The following ITPR2 variants were observed in gnomAD, a reference collection of about 807,000 sequenced individuals.
ITPR2 encodes inositol 1,4,5-trisphosphate receptor type 2, also known as inositol 1,4,5-trisphosphate-gated calcium channel ITPR2.
ITPR2 carries 207 observed loss-of-function variants against 317.1 expected under a neutral mutation model. The observed-to-expected ratio is 0.65, with a 90% CI of 0.58 to 0.73. The LOEUF is 0.73. Among genes scored for constraint, ITPR2 ranks in the 30% least tolerant of loss-of-function variants. The pLI is 0.00. For synonymous variants in ITPR2, 1,156 were observed against 1,149.1 expected (o/e 1.01, Z -0.12); for missense variants, 2,613 against 3,284.0 (o/e 0.80, Z 4.99).
At chr12:26,479,350 ATT>A (rs1942494487) in intron 43 of ITPR2, among the ~76,000 whole-genome samples, 1 of 151,354 alleles carries the variant, frequency 6.6e-6, no homozygotes, top group Non-Finnish European at 1.5e-5. Context: ...CTCTCACTTA[ATT>A]TTTTTACATA....
intron 1 of ITPR2, among the ~76,000 whole-genome samples, chr12:26,816,478 CA>C (rs1950854397): frequency 6.6e-6 from 1 of 152,132 alleles, no homozygotes; most frequent in Non-Finnish European, 1.5e-5. Context: ...ACCAAAAGCC[CA>C]TGTTAACTAT....
At chr12:26,749,585 T>C (rs554796430) in intron 2 of ITPR2, among the ~76,000 whole-genome samples, 3 of 152,336 alleles carry the variant, frequency 2.0e-5, no homozygotes, top group South Asian at 2.1e-4. Flanking sequence ...TATGTTCGCT[T>C]TAAAAATCCA....
chr12:26,542,403 T>C (rs1409879471), intron 37 of ITPR2, among the ~76,000 whole-genome samples: 1 of 152,198 alleles, frequency 6.6e-6, no homozygotes, highest in Non-Finnish European at 1.5e-5. Context: ...GAAGCGCAAC[T>C]GTTTAGGTTG....
At chr12:26,380,499 C>T (rs1939478386) in intron 55 of ITPR2, among the ~76,000 whole-genome samples, 1 of 152,130 alleles carries the variant, frequency 6.6e-6, no homozygotes, top group African/African-American at 2.4e-5. Flanking sequence ...ATTGTGCATT[C>T]TGAGCTGCAA....
At chr12:26,636,157 C>G (rs568878140) in intron 21 of ITPR2, among the ~76,000 whole-genome samples, 8 of 152,306 alleles carry the variant, frequency 5.3e-5, no homozygotes, top group African/African-American at 1.9e-4. Context: ...GTTCTTGTGT[C>G]CAGACGGTCA....
chr12:26,491,723 A>T (rs1942811759), intron 39 of ITPR2, among the ~76,000 whole-genome samples: 2 of 152,112 alleles, frequency 1.3e-5, no homozygotes, highest in South Asian at 4.1e-4. Context: ...GATGTTCAGG[A>T]AGAGAGTAAG....
intron 55 of ITPR2, among the ~76,000 whole-genome samples, chr12:26,350,366 G>A (rs532465163): frequency 1.3e-5 from 2 of 152,206 alleles, no homozygotes; most frequent in African/African-American, 4.8e-5. Flanking sequence ...AAGACAGATG[G>A]CAGTAAAAAC....
intron 13 of ITPR2, among the ~76,000 whole-genome samples, chr12:26,675,836 T>C (rs1332619721): frequency 1.3e-5 from 2 of 152,202 alleles, no homozygotes; most frequent in African/African-American, 4.8e-5. Flanking sequence ...AAAGTAATTA[T>C]CAATCTAACA....
chr12:26,589,394 AC>A (rs1268842423), intron 32 of ITPR2, among the ~76,000 whole-genome samples: 3 of 152,000 alleles, frequency 2.0e-5, no homozygotes. Context: ...AGACAAAAAG[AC>A]CCTGGTAGTG....
chr12:26,727,795 G>A (rs928283745), intron 2 of ITPR2, among the ~76,000 whole-genome samples: 2 of 152,198 alleles, frequency 1.3e-5, no homozygotes, highest in African/African-American at 4.8e-5. Context: ...AACGATGCAC[G>A]TGGCCAATTT....
intron 55 of ITPR2, among the ~76,000 whole-genome samples, chr12:26,349,294 T>G (rs1417909253): frequency 6.6e-6 from 1 of 152,232 alleles, no homozygotes; most frequent in East Asian, 1.9e-4. Flanking sequence ...ACTTGAAGAT[T>G]CATTTTCAAG....
At chr12:26,430,207 G>A (rs1320465242) in intron 48 of ITPR2, among the ~76,000 whole-genome samples, 1 of 152,170 alleles carries the variant, frequency 6.6e-6, no homozygotes. Flanking sequence ...GATCATATTG[G>A]TTTCTATCTG....
Position 26,665,891 on chromosome 12 carries a change from A to G in ITPR2, c.1551+19T>C. On this transcript the variant is annotated intron_variant, in intron 14 of 56. Transcript: ENST00000381340. ...TTCAGAAAATAAAATATACAAATTT[A>G]GTACATGAAAAAATTCACCTGTGCC... 6.3e-7 allele frequency: 1 copy of G among 1,597,446 alleles called. No homozygotes were observed. Among genetic ancestry groups the G allele is most frequent in the Non-Finnish European group, 8.5e-7 (1 of 1,172,042 alleles).
intron 54 of ITPR2, among the ~76,000 whole-genome samples, chr12:26,391,149 A>T (rs1287032669): frequency 6.6e-6 from 1 of 152,232 alleles, no homozygotes; most frequent in African/African-American, 2.4e-5. Flanking sequence ...TTTATTGAGC[A>T]TCTATTGATG....
intron 34 of ITPR2, among the ~76,000 whole-genome samples, chr12:26,570,887 G>A (rs774167466): frequency 8.5e-5 from 13 of 152,078 alleles, no homozygotes; most frequent in Non-Finnish European, 1.5e-4. Context: ...AAATCTCTGT[G>A]AACACCATGG....
intron 5 of ITPR2, among the ~76,000 whole-genome samples, chr12:26,717,758 A>G (rs554352206): frequency 4.6e-5 from 7 of 152,342 alleles, no homozygotes; most frequent in Non-Finnish European, 7.3e-5. Flanking sequence ...ATGGAATAAA[A>G]AGAGTAGAAG....
intron 34 of ITPR2, among the ~76,000 whole-genome samples, chr12:26,562,813 T>C (rs1342446756): frequency 6.6e-6 from 1 of 151,810 alleles, no homozygotes; most frequent in Non-Finnish European, 1.5e-5. Flanking sequence ...ATATACCTAA[T>C]GTAAATGACA....
At chr12:26,430,508 C>T (rs1329171138) in intron 48 of ITPR2, among the ~76,000 whole-genome samples, 2 of 152,216 alleles carry the variant, frequency 1.3e-5, no homozygotes, top group African/African-American at 4.8e-5. Context: ...AGGTGATCCA[C>T]CTGCCTTGGC....
chr12:26,561,735 T>G (rs559206477), intron 35 of ITPR2, 27 bp downstream of exon 35: 7 of 1,483,862 alleles, frequency 4.7e-6, no homozygotes, highest in Non-Finnish European at 6.3e-6. Flanking sequence ...TTAGAAAATA[T>G]TAATGCTATT....
Sources: allele counts gnomAD v4.1 joint callset (sites outside exome capture counted in the v4.1 genomes callset), GRCh38; gene constraint gnomAD v4.1.1; transcripts MANE v1.5; gene names NCBI Gene and HGNC (gene_info 2026-07-23, HGNC 2026-07-21).